ZGRF1: variants seen among roughly 807,000 people sequenced by gnomAD.
ZGRF1 encodes the protein 5'-3' DNA helicase ZGRF1.
A neutral mutation model predicts 203.5 loss-of-function variants in ZGRF1; 196 were observed. That is an observed-to-expected ratio of 0.96 (90% confidence interval 0.86 to 1.08). The LOEUF (loss-of-function observed/expected upper bound fraction) is 1.08. Among genes scored for constraint, ZGRF1 ranks in the 50% least tolerant of loss-of-function variants. The pLI is 0.00. For missense variants in ZGRF1, 2,326 were observed against 2,416.3 expected (o/e 0.96, Z 0.78); for synonymous variants, 809 against 841.3 (o/e 0.96, Z 0.66).
chr4:112,559,914 A>G (rs1181455231), intron 19 of ZGRF1, among the ~76,000 whole-genome samples: 4 of 152,212 alleles, frequency 2.6e-5, no homozygotes, highest in African/African-American at 7.2e-5. Flanking sequence ...GAGACACTCA[A>G]TATGAAAGAT....
chr4:112,575,508 A>C (rs549784431), intron 16 of ZGRF1, among the ~76,000 whole-genome samples: 1 of 152,204 alleles, frequency 6.6e-6, no homozygotes, highest in African/African-American at 2.4e-5. Context: ...GCAAGGGGTC[A>C]GGGAATTCTC....
rs150895195 is a variant in ZGRF1, at chr4:112,587,294, C to T, written c.3763G>A (p.Val1255Ile). ...LGGSTCYNYS[V>I]KDLQEISGSE... ...CATTTCCTCACCTGTAAATCCTTTA[C>T]ACTGTAGTTGTAGCAGGTAGACCCT... The change falls in exon 12 of 28, where the codon GTA becomes ATA. Residue 1255 changes from valine (V) to isoleucine (I), a missense_variant. Val to Ile is a conservative substitution (Grantham distance 29). Transcript: ENST00000505019. 39 of 1,608,780 alleles carry T rather than the reference C, an allele frequency of 2.4e-5. No homozygotes were observed. In the African/African-American group the frequency reaches 4.4e-4, roughly 18 times the overall value.
chr4:112,565,087 G>A lies in ZGRF1; in HGVS notation c.4439-1813C>T, dbSNP rs1159292523. The A allele has an allele frequency of 6.2e-6, 8 of 1,290,528 alleles. No homozygotes were observed. In the Admixed American group the frequency reaches 1.0e-4, roughly 16 times the overall value. 79.9% of individuals were successfully genotyped at this position (1,290,528 alleles called of 1,614,324 possible). On this transcript the variant is annotated intron_variant, in intron 16 of 27. Coordinates refer to ENST00000505019, the MANE Select transcript of ZGRF1 (RefSeq NM_018392.5). The stretch of plus-strand genomic sequence containing the variant: ...CGCTCGCAAGAGTGTGCCCTCTACT[G>A]GAGGGGTGAAGAAACCTCATCGTTA...
intron 10 of ZGRF1, among the ~76,000 whole-genome samples, chr4:112,597,209 ATC>A (rs1473520283): frequency 1.5e-5 from 2 of 133,334 alleles, no homozygotes; most frequent in Non-Finnish European, 3.2e-5. Flanking sequence ...GCCAAACTCC[ATC>A]TAAAAAAAAA....
chr4:112,539,913 G>A lies in ZGRF1; in HGVS notation c.6122C>T (p.Ala2041Val). Residue 2041 changes from alanine to valine, a missense_variant, in exon 27 of 28, where the codon GCC becomes GTC. Physicochemically the swap from Ala to Val is moderately conservative, Grantham distance 64 (BLOSUM62 0). Coordinates refer to ENST00000505019, the MANE Select transcript of ZGRF1 (RefSeq NM_018392.5). The part of the protein sequence containing the change: ...KRHLLIVGNL[A>V]CLRKNQLWGR... Reference sequence around the variant, plus strand: ...CCAAAGTTGATTTTTCCTCAAACAGGCTAAATTTCCCACAATCAACAAATG... The same window carrying A: ...CCAAAGTTGATTTTTCCTCAAACAGACTAAATTTCCCACAATCAACAAATG... The A allele has an allele frequency of 6.2e-7, 1 of 1,613,788 alleles. No homozygotes were observed. The highest frequency in any genetic ancestry group is 8.5e-7 in the Non-Finnish European group (1 of 1,179,794).
Position 112,618,269 on chromosome 4 carries a change from G to C in ZGRF1, c.1773C>G (p.Phe591Leu), listed in dbSNP as rs780343355. ...TAGGTTTGTCACTAACAGATGTTAA[G>C]AATGGCAAATGTTCACCCTCAATCT... ...CEEIEGEHLPFLTSVSDKPTV... is the reference protein window; with the variant it reads ...CEEIEGEHLPLLTSVSDKPTV... Residue 591 changes from phenylalanine (F) to leucine (L), a missense_variant, in exon 6 of 28, where the codon TTC (phenylalanine) becomes TTG (leucine). Transcript: ENST00000505019. The C allele has an allele frequency of 6.2e-7, 1 of 1,613,768 alleles. No individual in the cohort carries two copies. The highest frequency in any genetic ancestry group is 8.5e-7 in the Non-Finnish European group (1 of 1,179,812).
chr4:112,581,264 A>C (rs1203674945), intron 16 of ZGRF1, among the ~76,000 whole-genome samples: 1 of 113,812 alleles, frequency 8.8e-6, no homozygotes, highest in Admixed American at 1.3e-4. Context: ...AACATCACAC[A>C]CTGGGGCCTG....
chr4:112,630,382 G>A (rs376790897), intron 3 of ZGRF1, among the ~76,000 whole-genome samples: 1 of 151,954 alleles, frequency 6.6e-6, no homozygotes, highest in Non-Finnish European at 1.5e-5. Context: ...GCTGAGCATG[G>A]TTGCAAGTGC....
Position 112,619,576 on chromosome 4 carries a change from T to C in ZGRF1, c.466A>G (p.Ser156Gly), listed in dbSNP as rs757279903. ...ACAGTAGGAAACAAAGGAGGCATGC[T>C]GCAGAATGGAGAAAAAATAGTAGGG... ...TGPTIFSPFC[S>G]MPPLFPTVGK... The change falls in exon 6 of 28, where the codon AGC (serine) becomes GGC (glycine). Residue 156 changes from serine to glycine, a missense_variant. By Grantham distance (56) the Ser-to-Gly change is moderately conservative (BLOSUM62 0). Coordinates refer to ENST00000505019, the MANE Select transcript of ZGRF1 (RefSeq NM_018392.5). 1.2e-6 allele frequency: 2 copies of C among 1,614,122 alleles called. No homozygotes were observed. The highest frequency in any genetic ancestry group is 4.5e-5 in the East Asian group (2 of 44,872).
intron 4 of ZGRF1, among the ~76,000 whole-genome samples, chr4:112,620,857 C>T (rs2047039068): frequency 2.1e-5 from 3 of 145,206 alleles, no homozygotes; most frequent in Non-Finnish European, 3.0e-5. Context: ...GAGTGAGACC[C>T]TGTCTCAAAA....
At chr4:112,557,016 AAC>A (rs1351215594) in intron 20 of ZGRF1, among the ~76,000 whole-genome samples, 2 of 152,164 alleles carry the variant, frequency 1.3e-5, no homozygotes. Flanking sequence ...TTATCTTAAA[AAC>A]AGATTGTCTT....
chr4:112,564,786 T>C (rs1222469431), intron 16 of ZGRF1, among the ~76,000 whole-genome samples: 1 of 152,230 alleles, frequency 6.6e-6, no homozygotes, highest in African/African-American at 2.4e-5. Flanking sequence ...ATGTCTTCTA[T>C]GTGATATACA....
At chr4:112,609,323 G>A (rs1187098391) in intron 8 of ZGRF1, 56 bp downstream of exon 8, 4 of 891,602 alleles carry the variant, frequency 4.5e-6, no homozygotes, top group African/African-American at 1.7e-5. Context: ...AAAGTGCTGG[G>A]ATTACAGGCA....
At position 112,541,568 on chromosome 4, in the gene ZGRF1, G is replaced by A. The variant is rs553033581; in HGVS notation, c.5599-300C>T. On this transcript the variant is annotated intron_variant, in intron 24 of 27. Transcript: ENST00000505019. ...TTTTTTGAGATGGAGTCACCCTGTCGCCCAGGCTGGATTGCAATGGCATGA... is the reference window on the plus strand; with the variant it reads ...TTTTTTGAGATGGAGTCACCCTGTCACCCAGGCTGGATTGCAATGGCATGA... 7.6e-5 allele frequency among the ~76,000 whole-genome samples: 11 copies of A among 145,502 alleles called. No individual in the cohort carries two copies. In the South Asian group the frequency reaches 1.1e-3, roughly 14 times the overall value.
At chr4:112,614,147 T>G (rs2046785249) in intron 6 of ZGRF1, among the ~76,000 whole-genome samples, 1 of 133,742 alleles carries the variant, frequency 7.5e-6, no homozygotes, top group African/African-American at 2.9e-5. Flanking sequence ...TGGCAAAATT[T>G]CTTCTTCTCT....
chr4:112,606,151 G>C (rs1248224449), intron 8 of ZGRF1, 60 bp from the exon 9 acceptor site: 1 of 1,054,974 alleles, frequency 9.5e-7, no homozygotes, highest in East Asian at 2.4e-5. Context: ...GGTGATTCAT[G>C]ATTTTGATGG....
chr4:112,594,452 GTTTT>G (rs780636381), intron 10 of ZGRF1, among the ~76,000 whole-genome samples: 3 of 139,668 alleles, frequency 2.1e-5, no homozygotes, highest in South Asian at 2.3e-4. Context: ...TTTCGGTTTG[GTTTT>G]TTTTTTTTTT....
At chr4:112,615,800 A>T (rs1435921169) in intron 6 of ZGRF1, among the ~76,000 whole-genome samples, 1 of 150,762 alleles carries the variant, frequency 6.6e-6, no homozygotes, top group Non-Finnish European at 1.5e-5. Flanking sequence ...TGCTCATCTA[A>T]TTTTTTATAT....
chr4:112,581,932 T>C lies in ZGRF1; in HGVS notation c.4299-130A>G, dbSNP rs183438643. The C allele has an allele frequency of 1.1e-3, 462 of 420,264 alleles. 1 individual carries two copies. The highest frequency in any genetic ancestry group is 8.6e-3 in the African/African-American group (416 of 48,420). The allele number at this position is 420,264 out of a possible 1,614,324, so 26.0% of individuals were successfully genotyped here. A position where few individuals can be genotyped will look rare whatever the true frequency, so the allele number is the denominator to read the frequency against. Reference sequence around the variant, plus strand: ...CCTAGTTTCATACATGTATACAAAATATAAATATACTGTATCAAAGTAAGA... The same window carrying C: ...CCTAGTTTCATACATGTATACAAAACATAAATATACTGTATCAAAGTAAGA... On this transcript the variant is annotated intron_variant, in intron 15 of 27. Transcript: ENST00000505019.
Sources: gnomAD v4.1 joint callset for allele counts (sites outside exome capture counted in the v4.1 genomes callset) on GRCh38, gnomAD v4.1.1 for gene constraint, MANE v1.5 for transcripts, NCBI Gene and HGNC (gene_info 2026-07-23, HGNC 2026-07-21) for gene names.